Variants in TUBAL3 observed in about 807,000 individuals in gnomAD.
TUBAL3 encodes the protein tubulin alpha like 3.
TUBAL3 carries 16 observed loss-of-function variants against 15.5 expected under a neutral mutation model. The observed-to-expected ratio is 1.04, with a 90% CI of 0.70 to 1.57. The LOEUF is 1.57. TUBAL3 is among the 40% of genes most tolerant of loss of function. TUBAL3 has a pLI of 0.00. For missense variants in TUBAL3, 609 were observed against 576.2 expected (o/e 1.06, Z -0.58); for synonymous variants, 238 against 224.3 (o/e 1.06, Z -0.55).
intron 2 of TUBAL3, 107 bp downstream of exon 2, chr10:5,400,737 C>T (rs1288891102): frequency 7.1e-7 from 1 of 1,407,924 alleles, no homozygotes; most frequent in African/African-American, 1.4e-5. Flanking sequence ...TGGGAAAGGT[C>T]CATGTGATTC....
In TUBAL3 at chr10:5,393,845, G is replaced by A. The variant is rs782611202; in HGVS notation, c.1013C>T (p.Ala338Val). The change falls in exon 4 of 4, where the codon GCA becomes GTA. Residue 338 changes from alanine (A) to valine (V), a missense_variant. Physicochemically the swap from Ala to Val is moderately conservative, Grantham distance 64 (BLOSUM62 0). Transcript: ENST00000380419. ...GDVVPKEVNAAIAATKSRHSV... is the reference protein window; with the variant it reads ...GDVVPKEVNAVIAATKSRHSV... ...GTGCCTCGACTTCGTGGCTGCGATTGCTGCATTCACTTCCTTGGGGACCAC... is the reference window on the plus strand; with the variant it reads ...GTGCCTCGACTTCGTGGCTGCGATTACTGCATTCACTTCCTTGGGGACCAC... 2 of 1,614,090 alleles carry A rather than the reference G, an allele frequency of 1.2e-6. No individual in the cohort carries two copies. Among genetic ancestry groups the A allele is most frequent in the Admixed American group, 1.7e-5 (1 of 60,010 alleles).
At position 5,394,938 on chromosome 10, in the gene TUBAL3, G is replaced by A. The variant is rs1554813948; in HGVS notation, c.396+389C>T. Among the ~76,000 whole-genome samples the A allele has an allele frequency of 6.6e-6, 1 of 152,150 alleles. No individual in the cohort carries two copies. Among genetic ancestry groups the A allele is most frequent in the Non-Finnish European group, 1.5e-5 (1 of 68,028 alleles). On this transcript the variant is annotated intron_variant, in intron 3 of 3. Coordinates refer to ENST00000380419, the MANE Select transcript of TUBAL3 (RefSeq NM_024803.3). The surrounding 1 kb of genome is among the most constrained non-coding windows in gnomAD (Gnocchi z 4.3). ...GAGGAATTAATTATCAGTAAATAGA[G>A]TCACGCATCTCCAGATAGGGAGTGC...
intron 2 of TUBAL3, 124 bp downstream of exon 2, chr10:5,400,720 C>G: frequency 8.1e-7 from 1 of 1,232,712 alleles, no homozygotes; most frequent in South Asian, 1.4e-5. Flanking sequence ...GAGTAAGCCT[C>G]TACATTTGGG....
chr10:5,400,530 C>G (rs1554814538), intron 2 of TUBAL3, among the ~76,000 whole-genome samples: 1 of 152,166 alleles, frequency 6.6e-6, no homozygotes, highest in African/African-American at 2.4e-5. Flanking sequence ...TACTCAGAGG[C>G]TGAGGCAGGA....
chr10:5,397,027 G>A lies in TUBAL3; in HGVS notation c.248-1552C>T, dbSNP rs566124454. ...CTGTTACGAGAACATAGGGCACAAC[G>A]CACGGCCCATATAACAACAGCAATT... On this transcript the variant is annotated intron_variant, in intron 2 of 3. Coordinates refer to ENST00000380419, the MANE Select transcript of TUBAL3 (RefSeq NM_024803.3). This position sits in a 1 kb window ranked among gnomAD's most constrained non-coding sequence, Gnocchi z 4.9. Among the ~76,000 whole-genome samples, 1 of 152,232 alleles carries A rather than the reference G, an allele frequency of 6.6e-6. No homozygotes were observed. Among genetic ancestry groups the A allele is most frequent in the South Asian group, 2.1e-4 (1 of 4,814 alleles).
chr10:5,404,272 T>C (rs1554814886), intron 1 of TUBAL3, among the ~76,000 whole-genome samples: 1 of 152,130 alleles, frequency 6.6e-6, no homozygotes, highest in African/African-American at 2.4e-5. Flanking sequence ...TCTGAAAAGG[T>C]CATCCCAAAA....
chr10:5,402,092 T>C (rs116358910), intron 1 of TUBAL3, among the ~76,000 whole-genome samples: 1 of 152,160 alleles, frequency 6.6e-6, no homozygotes, highest in Non-Finnish European at 1.5e-5. Flanking sequence ...TGTTCAAAAA[T>C]AGGCATAAAA....
In TUBAL3 at chr10:5,394,900, T is replaced by G. The variant is rs903804702; in HGVS notation, c.396+427A>C. Among the ~76,000 whole-genome samples, 3 of 152,198 alleles carry G rather than the reference T, an allele frequency of 2.0e-5. No individual in the cohort carries two copies. Among genetic ancestry groups the G allele is most frequent in the African/African-American group, 7.2e-5 (3 of 41,426 alleles). On this transcript the variant is annotated intron_variant, in intron 3 of 3. Coordinates refer to ENST00000380419, the MANE Select transcript of TUBAL3 (RefSeq NM_024803.3). This position sits in a 1 kb window ranked among gnomAD's most constrained non-coding sequence, Gnocchi z 4.3. ...CTTACTTAGCAAAGGGTCTCCAGAC[T>G]CAGGCCCCTAAAGAGGAATTAATTA...
intron 1 of TUBAL3, among the ~76,000 whole-genome samples, chr10:5,402,512 T>C (rs529181937): frequency 6.6e-6 from 1 of 152,318 alleles, no homozygotes; most frequent in African/African-American, 2.4e-5. Flanking sequence ...ATGGCTACAC[T>C]GCCCTAAAGC....
chr10:5,398,142 C>T (rs1331058201), intron 2 of TUBAL3, among the ~76,000 whole-genome samples: 8 of 151,908 alleles, frequency 5.3e-5, no homozygotes, highest in Admixed American at 3.3e-4. Context: ...AAAAATTGGC[C>T]GGGTGCAGTG....
At chr10:5,398,519 A>G (rs1831800215) in intron 2 of TUBAL3, among the ~76,000 whole-genome samples, 1 of 151,214 alleles carries the variant, frequency 6.6e-6, no homozygotes, top group Non-Finnish European at 1.5e-5. Flanking sequence ...AGACTGCTTG[A>G]GCCCAGGAGT....
Position 5,404,712 on chromosome 10 carries a change from A to G in TUBAL3, c.3+78T>C. On this transcript the variant is annotated intron_variant, in intron 1 of 3. Transcript: ENST00000380419. ...TCTCTTGCATTACAATTTTATTAAG[A>G]ATTGTTTGCTGTGGGAAAAGGGCCA... is the stretch of plus-strand genomic sequence containing the variant. 2.8e-6 allele frequency: 4 copies of G among 1,422,730 alleles called. No individual in the cohort carries two copies. In the South Asian group the frequency reaches 3.6e-5, roughly 13 times the overall value. 88.1% of individuals were successfully genotyped at this position (1,422,730 alleles called of 1,614,324 possible). A position where few individuals can be genotyped will look rare whatever the true frequency, so the allele number is the denominator to read the frequency against.
Position 5,395,483 on chromosome 10 carries a change from G to A in TUBAL3, c.248-8C>T. On this transcript the variant is annotated splice_polypyrimidine_tract_variant and splice_region_variant and intron_variant, in intron 2 of 3. Transcript: ENST00000380419. The surrounding 1 kb of genome is among the most constrained non-coding windows in gnomAD (Gnocchi z 4.6). ...GGCCCGTCCGGATCCCATCTGCAGA[G>A]GGTGAAAGGAGGTCAGTGCAACTCA... The A allele has an allele frequency of 6.7e-7, 1 of 1,501,884 alleles. No individual in the cohort carries two copies. Among genetic ancestry groups the A allele is most frequent in the Non-Finnish European group, 9.0e-7 (1 of 1,113,566 alleles). The allele number at this position is 1,501,884 out of a possible 1,614,324, so 93.0% of individuals were successfully genotyped here.
chr10:5,396,460 G>A lies in TUBAL3; in HGVS notation c.248-985C>T, dbSNP rs367602223. Among the ~76,000 whole-genome samples, 12 of 152,018 alleles carry A rather than the reference G, an allele frequency of 7.9e-5. No individual in the cohort carries two copies. The highest frequency in any genetic ancestry group is 1.0e-4 in the Non-Finnish European group (7 of 68,016). ...GGAGGTTGCAGTGAGTGGAGATCAC[G>A]CCATCGCACTCCAGCCTGGGCAACA... On this transcript the variant is annotated intron_variant, in intron 2 of 3. Transcript: ENST00000380419. This position sits in a 1 kb window ranked among gnomAD's most constrained non-coding sequence, Gnocchi z 5.1.
In TUBAL3 at chr10:5,393,989, T is replaced by C. The variant is rs1588411112; in HGVS notation, c.869A>G (p.His290Arg). The change falls in exon 4 of 4, where the codon CAT becomes CGT. Residue 290 changes from histidine to arginine, a missense_variant. By Grantham distance (29) the His-to-Arg change is conservative (BLOSUM62 0). Transcript: ENST00000380419. ...GATGTCTGACACAGAGAACTGCTCA[T>C]GGTAGGCTTTGTCAGCAGAGACGAT... Reference protein sequence around the residue: ...APIVSADKAYHEQFSVSDITT... With the variant: ...APIVSADKAYREQFSVSDITT... 1.2e-6 allele frequency: 2 copies of C among 1,614,130 alleles called. No homozygotes were observed. The highest frequency in any genetic ancestry group is 1.7e-6 in the Non-Finnish European group (2 of 1,180,020).
Position 5,395,260 on chromosome 10 carries a change from G to C in TUBAL3, c.396+67C>G, listed in dbSNP as rs1306582622. On this transcript the variant is annotated intron_variant, in intron 3 of 3. Coordinates refer to ENST00000380419, the MANE Select transcript of TUBAL3 (RefSeq NM_024803.3). This position sits in a 1 kb window ranked among gnomAD's most constrained non-coding sequence, Gnocchi z 4.6. The stretch of plus-strand genomic sequence containing the variant: ...GATGGTGACAGCAGATAATGCTTGT[G>C]AGTTCTGCCGCAGGACCCCACATGC... 7.2e-7 allele frequency: 1 copy of C among 1,389,872 alleles called. No homozygotes were observed. Among genetic ancestry groups the C allele is most frequent in the African/African-American group, 1.5e-5 (1 of 67,464 alleles). The allele number at this position is 1,389,872 out of a possible 1,614,324, so 86.1% of individuals were successfully genotyped here.
intron 1 of TUBAL3, among the ~76,000 whole-genome samples, chr10:5,402,323 C>G (rs1466384659): frequency 2.0e-5 from 3 of 152,162 alleles, no homozygotes; most frequent in Non-Finnish European, 4.4e-5. Context: ...AAGCTAAATT[C>G]TAAGAAATCT....
chr10:5,402,865 A>G (rs1554814765), intron 1 of TUBAL3, among the ~76,000 whole-genome samples: 2 of 152,234 alleles, frequency 1.3e-5, no homozygotes, highest in African/African-American at 4.8e-5. Flanking sequence ...TGCCGACTCC[A>G]TGGAAAAATT....
chr10:5,399,439 A>G lies in TUBAL3; in HGVS notation c.247+1405T>C, dbSNP rs553583278. 1.4e-3 allele frequency among the ~76,000 whole-genome samples: 209 copies of G among 152,338 alleles called. 5 individuals carry two copies. The highest frequency in any genetic ancestry group is 5.3e-4 in the Non-Finnish European group (36 of 68,030). ...ATGAGAATACAGTGAGAAGGCAGCC[A>G]TCTGCAAGCTGGGAAGAGAGCCTTC... On this transcript the variant is annotated intron_variant, in intron 2 of 3. Transcript: ENST00000380419.
Sources: gnomAD v4.1 joint callset for allele counts (sites outside exome capture counted in the v4.1 genomes callset) on GRCh38, gnomAD v4.1.1 for gene constraint, Gnocchi (gnomAD v3.1) non-coding constraint, MANE v1.5 for transcripts, NCBI Gene and HGNC (gene_info 2026-07-23, HGNC 2026-07-21) for gene names.